FKBP5: variants seen among roughly 807,000 people sequenced by gnomAD.
FKBP5 encodes peptidyl-prolyl cis-trans isomerase FKBP5.
FKBP5 carries 23 observed loss-of-function variants against 50.5 expected under a neutral mutation model. The observed-to-expected ratio is 0.46, with a 90% CI of 0.33 to 0.65. The LOEUF (loss-of-function observed/expected upper bound fraction) is 0.65. FKBP5 is among the 30% of genes least tolerant of loss of function. FKBP5 has a pLI of 0.02. For synonymous variants in FKBP5, 176 were observed against 190.6 expected, an observed-to-expected ratio of 0.92 and a Z score of 0.63; for missense variants, 411 against 553.1, an observed-to-expected ratio of 0.74 and a Z score of 2.58.
chr6:35,600,713 G>T (rs908640604), intron 5 of FKBP5, among the ~76,000 whole-genome samples: 1 of 152,116 alleles, frequency 6.6e-6, no homozygotes, highest in Non-Finnish European at 1.5e-5. Context: ...TACATTTAGT[G>T]GGGGAGGAAA....
intron 1 of FKBP5, among the ~76,000 whole-genome samples, chr6:35,655,782 C>T (rs1455271597): frequency 3.3e-5 from 5 of 152,104 alleles, no homozygotes; most frequent in Non-Finnish European, 5.9e-5. Context: ...TGTACCTGAG[C>T]GTTTAACTAT....
chr6:35,587,102 C>T lies in FKBP5; in HGVS notation c.772G>A (p.Glu258Lys). Reference protein sequence around the residue: ...KSFEKAKESWEMDTKEKLEQA... With the variant: ...KSFEKAKESWKMDTKEKLEQA... ...TCCAATTTTTCTTTGGTATCCATCT[C>T]CCAGGATTCTTTGGCCTGTGTGTAA... is the stretch of plus-strand genomic sequence containing the variant. The change falls in exon 8 of 11, where the codon GAG becomes AAG. Residue 258 changes from glutamate (E) to lysine (K), a missense_variant. Physicochemically the swap from Glu to Lys is moderately conservative, Grantham distance 56 (BLOSUM62 1). Coordinates refer to ENST00000357266, the MANE Select transcript of FKBP5 (RefSeq NM_004117.4). 2 of 1,614,000 alleles carry T rather than the reference C, an allele frequency of 1.2e-6. No individual in the cohort carries two copies. The highest frequency in any genetic ancestry group is 1.7e-6 in the Non-Finnish European group (2 of 1,179,932).
upstream of FKBP5, among the ~76,000 whole-genome samples, chr6:35,690,043 A>G (rs1471424136): frequency 6.6e-6 from 1 of 152,234 alleles, no homozygotes; most frequent in Admixed American, 6.5e-5. Flanking sequence ...ATAGTTACCT[A>G]TGGAAACCTA....
intron 5 of FKBP5, among the ~76,000 whole-genome samples, chr6:35,617,523 TATA>T (rs927836580): frequency 5.8e-4 from 89 of 152,300 alleles, no homozygotes; most frequent in African/African-American, 2.1e-3. Context: ...ACAGACCTTT[TATA>T]ATAATAGTTC....
At chr6:35,626,073 C>T (rs947375026) in intron 3 of FKBP5, among the ~76,000 whole-genome samples, 46 of 152,138 alleles carry the variant, frequency 3.0e-4, no homozygotes, top group Non-Finnish European at 1.9e-4. Flanking sequence ...GCCACCGTGC[C>T]TGGCCACGTC....
intron 1 of FKBP5, among the ~76,000 whole-genome samples, chr6:35,651,463 G>A (rs1764796176): frequency 6.6e-6 from 1 of 152,156 alleles, no homozygotes; most frequent in Non-Finnish European, 1.5e-5. Flanking sequence ...GTGCTTGTGC[G>A]ATGTCCAGAA....
At chr6:35,665,329 C>T (rs553475692) in intron 1 of FKBP5, among the ~76,000 whole-genome samples, 14 of 150,870 alleles carry the variant, frequency 9.3e-5, no homozygotes, top group African/African-American at 3.4e-4. Context: ...CACTCTGTCA[C>T]CAAGCTGGAG....
chr6:35,677,353 A>G (rs914184636), intron 1 of FKBP5, among the ~76,000 whole-genome samples: 4 of 152,084 alleles, frequency 2.6e-5, no homozygotes, highest in Admixed American at 6.5e-5. Flanking sequence ...GATTACAGGC[A>G]TGAGCCACCA....
intron 1 of FKBP5, among the ~76,000 whole-genome samples, chr6:35,654,910 G>A (rs1049740052): frequency 6.6e-6 from 1 of 152,176 alleles, no homozygotes; most frequent in African/African-American, 2.4e-5. Flanking sequence ...GCAGCAGCTG[G>A]GTCCAGTGCC....
intron 8 of FKBP5, chr6:35,581,022 T>C: frequency 2.0e-6 from 2 of 983,258 alleles, no homozygotes; most frequent in Non-Finnish European, 2.4e-6. Flanking sequence ...ATTCTTATCA[T>C]TTGTAGTGCA....
chr6:35,712,805 G>A (rs1443791423), intron 2 of FKBP5, among the ~76,000 whole-genome samples: 1 of 152,168 alleles, frequency 6.6e-6, no homozygotes, highest in Non-Finnish European at 1.5e-5. Flanking sequence ...GAACTGGGCT[G>A]ACCCTAGAAC....
chr6:35,706,424 CA>C (rs71002595), intron 2 of FKBP5, among the ~76,000 whole-genome samples: 1,940 of 103,744 alleles, frequency 0.019, 27 homozygotes, highest in African/African-American at 0.05. Context: ...AACTCTGTCT[CA>C]AAAAAAAAAA....
At chr6:35,651,192 A>G (rs986249402) in intron 1 of FKBP5, among the ~76,000 whole-genome samples, 11 of 152,242 alleles carry the variant, frequency 7.2e-5, no homozygotes, top group African/African-American at 2.4e-4. Context: ...CTGCTCAAAC[A>G]GTGTTACCTC....
chr6:35,623,956 T>G (rs555390352), intron 3 of FKBP5, among the ~76,000 whole-genome samples: 12 of 152,072 alleles, frequency 7.9e-5, no homozygotes, highest in African/African-American at 2.9e-4. Flanking sequence ...CTGCTTCAGC[T>G]TTCCAGAGTG....
intron 2 of FKBP5, among the ~76,000 whole-genome samples, chr6:35,710,665 A>G (rs976882694): frequency 6.6e-6 from 1 of 152,220 alleles, no homozygotes; most frequent in Non-Finnish European, 1.5e-5. Context: ...AAATAAAAAC[A>G]TGTGTCCTCA....
chr6:35,615,841 T>C (rs1763636607), intron 5 of FKBP5, among the ~76,000 whole-genome samples: 1 of 152,218 alleles, frequency 6.6e-6, no homozygotes. Context: ...TTTCCCACCT[T>C]AACCCAGTGT....
chr6:35,604,846 A>C (rs1226665808), intron 5 of FKBP5, among the ~76,000 whole-genome samples: 2 of 151,112 alleles, frequency 1.3e-5, no homozygotes, highest in East Asian at 1.9e-4. Context: ...GCTGGAGTGC[A>C]GTGGTGTGAT....
intron 8 of FKBP5, chr6:35,582,532 G>A (rs756217769): frequency 4.2e-6 from 2 of 478,172 alleles, no homozygotes; most frequent in Non-Finnish European, 5.5e-6. Context: ...CAGCAAGAAG[G>A]GAGCTACAAG....
chr6:35,723,640 T>A (rs939277779), intron 1 of FKBP5, among the ~76,000 whole-genome samples: 57 of 152,032 alleles, frequency 3.7e-4, no homozygotes, highest in African/African-American at 1.4e-3. Flanking sequence ...CAAAGAAGAA[T>A]GAACTCAGAG....
Sources: allele counts gnomAD v4.1 joint callset (sites outside exome capture counted in the v4.1 genomes callset), GRCh38; gene constraint gnomAD v4.1.1; transcripts MANE v1.5; gene names NCBI Gene and HGNC (gene_info 2026-07-23, HGNC 2026-07-21).